KDM3A: variants seen among roughly 807,000 people sequenced by gnomAD.
The protein encoded by KDM3A is lysine-specific demethylase 3A.
KDM3A carries 60 observed loss-of-function variants against 158.0 expected under a neutral mutation model. That is an observed-to-expected ratio of 0.38 (90% CI 0.31 to 0.47). The LOEUF (loss-of-function observed/expected upper bound fraction) is 0.47. KDM3A is among the 20% of genes least tolerant of loss of function. The probability of loss-of-function intolerance (pLI) is 0.99; values close to 1 mark genes in which losing one functional copy is unlikely to be tolerated. For synonymous variants in KDM3A, 608 were observed against 549.3 expected, an observed-to-expected ratio of 1.11 and a Z score of -1.49; for missense variants, 1,319 against 1,574.3, an observed-to-expected ratio of 0.84 and a Z score of 2.74.
chr2:86,482,386 CATT>C, intron 17 of KDM3A, 69 bp from the exon 18 acceptor site: 5 of 1,573,166 alleles, frequency 3.2e-6, no homozygotes, highest in African/African-American at 1.4e-5. Context: ...AATCTATACT[CATT>C]ATGGGAATGG....
intron 2 of KDM3A, 22 bp downstream of exon 2, chr2:86,442,255 T>A: frequency 6.3e-7 from 1 of 1,587,944 alleles, no homozygotes; most frequent in Admixed American, 1.7e-5. Context: ...TCCGGGCCTC[T>A]GCCACCGGAC....
intron 3 of KDM3A, 83 bp downstream of exon 3, chr2:86,450,045 T>C (rs1431416556): frequency 7.1e-7 from 1 of 1,398,718 alleles, no homozygotes; most frequent in African/African-American, 1.5e-5. Flanking sequence ...GTAAATGTAA[T>C]GCCAGAAAGT....
At chr2:86,456,924 G>T (rs371967525) in intron 7 of KDM3A, 47 bp downstream of exon 7, 1 of 1,565,362 alleles carries the variant, frequency 6.4e-7, no homozygotes, top group South Asian at 1.1e-5. Flanking sequence ...CCTTTCCTCC[G>T]TTCTTCTCAC....
intron 2 of KDM3A, among the ~76,000 whole-genome samples, chr2:86,448,600 G>A (rs1023141810): frequency 6.6e-6 from 1 of 152,118 alleles, no homozygotes; most frequent in Non-Finnish European, 1.5e-5. Context: ...AGGCACTTTG[G>A]TAAGGGAAGG....
At chr2:86,444,423 C>T (rs576407021) in intron 2 of KDM3A, among the ~76,000 whole-genome samples, 1 of 152,122 alleles carries the variant, frequency 6.6e-6, no homozygotes, top group Non-Finnish European at 1.5e-5. Context: ...TTTATCACTG[C>T]ATTCCTTAGT....
At chr2:86,480,760 T>A (rs1197818242) in intron 16 of KDM3A, among the ~76,000 whole-genome samples, 2 of 152,192 alleles carry the variant, frequency 1.3e-5, no homozygotes, top group Non-Finnish European at 2.9e-5. Context: ...ACTCATAAAT[T>A]AAGTCTAAGA....
Position 86,489,439 on chromosome 2 carries a change from T to C in KDM3A, c.3433+2T>C. On this transcript the variant is annotated splice_donor_variant, in intron 22 of 25. Transcript: ENST00000312912. LOFTEE classifies it high-confidence loss of function. ...AAGGACAGTGTGAGCAAGAAGAAGGTAGGGTGCTGAGCATAAAAGGAGGGC... is the reference window on the plus strand; with the variant it reads ...AAGGACAGTGTGAGCAAGAAGAAGGCAGGGTGCTGAGCATAAAAGGAGGGC... 6.2e-7 allele frequency: 1 copy of C among 1,613,664 alleles called. No homozygotes were observed. Among genetic ancestry groups the C allele is most frequent in the Non-Finnish European group, 8.5e-7 (1 of 1,179,804 alleles).
Position 86,485,795 on chromosome 2 carries a change from G to A in KDM3A, c.3249G>A (p.Leu1083=), listed in dbSNP as rs764152344. Residue 1083 remains leucine, a synonymous_variant, in exon 21 of 26, where the codon TTG becomes TTA. Coordinates refer to ENST00000312912, the MANE Select transcript of KDM3A (RefSeq NM_018433.6). ...CAAGGCGAGATGGCAAACTGAATTTGGCCTCTAGGCTGCCAAACTACTTTG... is the reference window on the plus strand; with the variant it reads ...CAAGGCGAGATGGCAAACTGAATTTAGCCTCTAGGCTGCCAAACTACTTTG... ...EYTRRDGKLN[L]ASRLPNYFVR... The A allele has an allele frequency of 6.2e-6, 10 of 1,613,988 alleles. No homozygotes were observed. The Admixed American group carries it at 1.7e-4, about 27-fold the overall frequency.
intron 19 of KDM3A, 90 bp downstream of exon 19, chr2:86,484,248 G>C: frequency 1.8e-6 from 2 of 1,132,024 alleles, no homozygotes; most frequent in Non-Finnish European, 2.5e-6. Context: ...AGTGGCAGCC[G>C]CAGCATTTTC....
At chr2:86,487,554 C>T (rs953099838) in intron 21 of KDM3A, 1 of 152,178 alleles carries the variant, frequency 6.6e-6, no homozygotes, top group African/African-American at 2.4e-5. Context: ...TTGACTTGTT[C>T]AGGATCTCCA....
Position 86,482,045 on chromosome 2 carries a change from C to T in KDM3A, c.2628C>T (p.Pro876=), listed in dbSNP as rs776418311. The part of the protein sequence containing the change: ...LHTFNSTILT[P]VSNNNSGFLR... ...CGTTTAACAGCACAATTTTGACACCCGTAAGCAACAACAATTCTGGTTTCC... is the reference window on the plus strand; with the variant it reads ...CGTTTAACAGCACAATTTTGACACCTGTAAGCAACAACAATTCTGGTTTCC... The change falls in exon 17 of 26, where the codon CCC becomes CCT. Residue 876 remains proline, a synonymous_variant. Coordinates refer to ENST00000312912, the MANE Select transcript of KDM3A (RefSeq NM_018433.6). 3.7e-6 allele frequency: 6 copies of T among 1,614,032 alleles called. No individual in the cohort carries two copies. Among genetic ancestry groups the T allele is most frequent in the South Asian group, 1.1e-5 (1 of 91,084 alleles).
chr2:86,489,152 C>T, intron 21 of KDM3A, 166 bp from the exon 22 acceptor site: 1 of 709,818 alleles, frequency 1.4e-6, no homozygotes. Flanking sequence ...TCTTTTCTTG[C>T]TAGCACATCG....
intron 17 of KDM3A, 106 bp downstream of exon 17, chr2:86,482,208 T>TA: frequency 2.3e-6 from 3 of 1,318,174 alleles, no homozygotes; most frequent in African/African-American, 1.5e-5. Context: ...ATCACATACT[T>TA]ACCTTTGTGG....
chr2:86,469,826 A>G (rs1369593306), intron 10 of KDM3A, among the ~76,000 whole-genome samples: 1 of 152,208 alleles, frequency 6.6e-6, no homozygotes, highest in African/African-American at 2.4e-5. Flanking sequence ...ATGGACATCT[A>G]CTAAGTCAGG....
At chr2:86,441,573 AGCTGGGCGCCGGG>A (rs1190086282) in intron 1 of KDM3A, 129 bp downstream of exon 1, 2 of 149,968 alleles carry the variant, frequency 1.3e-5, no homozygotes, top group East Asian at 4.0e-4. Context: ...GGGGCCGGGG[AGCTGGGCGCCGGG>A]GCGGGGCGGC....
intron 1 of KDM3A, 22 bp from the exon 2 acceptor site, chr2:86,441,996 T>G: frequency 3.1e-4 from 438 of 1,431,204 alleles, no homozygotes; most frequent in East Asian, 3.9e-4. Flanking sequence ...CCCCGTCGCA[T>G]TTTGTTTTTG....
At chr2:86,477,429 G>T (rs535277708) in intron 12 of KDM3A, among the ~76,000 whole-genome samples, 2 of 152,278 alleles carry the variant, frequency 1.3e-5, no homozygotes, top group Admixed American at 1.3e-4. Context: ...CAGATTACTG[G>T]GTTTGTGGAT....
intron 2 of KDM3A, among the ~76,000 whole-genome samples, chr2:86,448,581 G>C (rs559512844): frequency 3.3e-5 from 5 of 152,134 alleles, no homozygotes; most frequent in Admixed American, 6.5e-5. Flanking sequence ...GACCTCTCTT[G>C]GGAGAGAGAG....
At chr2:86,444,153 G>GA (rs938170727) in intron 2 of KDM3A, among the ~76,000 whole-genome samples, 2 of 152,152 alleles carry the variant, frequency 1.3e-5, no homozygotes, top group Non-Finnish European at 2.9e-5. Context: ...AGGAGGTGGT[G>GA]ATATCTTCAT....
Sources: gnomAD v4.1 joint callset for allele counts (sites outside exome capture counted in the v4.1 genomes callset) on GRCh38, gnomAD v4.1.1 for gene constraint, MANE v1.5 for transcripts, NCBI Gene and HGNC (gene_info 2026-07-23, HGNC 2026-07-21) for gene names.